The following DISC1 variants were observed in gnomAD, a reference collection of about 807,000 sequenced individuals.
DISC1 encodes the protein DISC1 scaffold protein, also known as disrupted in schizophrenia 1 protein.
Under a neutral mutation model 84.5 loss-of-function variants are expected in DISC1, and 57 were observed. The observed-to-expected ratio is 0.67, with a 90% CI of 0.55 to 0.84. DISC1 has a LOEUF of 0.84. Among genes scored for constraint, DISC1 ranks in the 40% least tolerant of loss-of-function variants. The probability of loss-of-function intolerance (pLI) is 0.00; values close to 1 mark genes in which losing one functional copy is unlikely to be tolerated. For synonymous variants in DISC1, 411 were observed against 415.2 expected (o/e 0.99, Z 0.12); for missense variants, 1,000 against 1,057.8 (o/e 0.95, Z 0.76).
chr1:231,750,294 CAG>C, intron 4 of DISC1: 2 of 1,365,644 alleles, frequency 1.5e-6, no homozygotes, highest in Non-Finnish European at 1.9e-6. Context: ...TGCCACTTGA[CAG>C]AGAGAGAACC....
chr1:231,938,059 T>C (rs975752683), intron 9 of DISC1, among the ~76,000 whole-genome samples: 6 of 152,048 alleles, frequency 3.9e-5, no homozygotes, highest in African/African-American at 1.4e-4. Flanking sequence ...GTTTTGTTCT[T>C]TTGGTTCTGT....
At chr1:232,020,134 G>A (rs1175887560) in intron 11 of DISC1, among the ~76,000 whole-genome samples, 1 of 152,058 alleles carries the variant, frequency 6.6e-6, no homozygotes, top group Non-Finnish European at 1.5e-5. Flanking sequence ...CTGAGATCGG[G>A]AGTTCGAGAC....
intron 9 of DISC1, among the ~76,000 whole-genome samples, chr1:231,867,926 C>A (rs114292947): frequency 6.6e-6 from 1 of 152,164 alleles, no homozygotes; most frequent in Non-Finnish European, 1.5e-5. Context: ...CCTGGCTATT[C>A]GCAAGGGAGA....
chr1:231,818,178 C>G, intron 8 of DISC1, 151 bp from the exon 9 acceptor site: 1 of 812,394 alleles, frequency 1.2e-6, no homozygotes. Context: ...CAGGTTCTTT[C>G]CCCAGAGGAC....
At chr1:231,795,401 G>A in intron 7 of DISC1, 105 bp downstream of exon 7, 1 of 1,025,886 alleles carries the variant, frequency 9.7e-7, no homozygotes, top group Non-Finnish European at 1.5e-6. Flanking sequence ...AAAAAAAGAT[G>A]TAGACTTTGT....
chr1:232,024,482 CAG>C (rs1669259732), intron 11 of DISC1, among the ~76,000 whole-genome samples: 1 of 152,144 alleles, frequency 6.6e-6, no homozygotes, highest in African/African-American at 2.4e-5. Context: ...GACTTTTTAA[CAG>C]TGACTATTAC....
intron 10 of DISC1, among the ~76,000 whole-genome samples, chr1:232,000,411 A>C (rs2102960609): frequency 6.6e-6 from 1 of 152,330 alleles, no homozygotes; most frequent in Non-Finnish European, 1.5e-5. Flanking sequence ...TGAACAAGAA[A>C]CAATGGACTG....
chr1:231,772,347 A>G (rs960468715), intron 6 of DISC1, among the ~76,000 whole-genome samples: 6 of 152,190 alleles, frequency 3.9e-5, no homozygotes, highest in Non-Finnish European at 5.9e-5. Flanking sequence ...TGGCACCCGA[A>G]TGGGTAGATG....
chr1:231,655,923 A>G (rs1418692430), intron 1 of DISC1, among the ~76,000 whole-genome samples: 2 of 151,990 alleles, frequency 1.3e-5, no homozygotes, highest in East Asian at 1.9e-4. Flanking sequence ...TATTCATGTC[A>G]TTTGCCCACT....
At chr1:231,724,107 C>G (rs1237450968) in intron 3 of DISC1, 1 of 857,320 alleles carries the variant, frequency 1.2e-6, no homozygotes, top group South Asian at 5.4e-5. Flanking sequence ...ATAGATTGGA[C>G]CAGTATTTTG....
chr1:231,988,551 G>A lies in DISC1; in HGVS notation c.2043-20234G>A, dbSNP rs572112053. ...CGCCTGTATAAAAGAGGGCCCAGGG[G>A]GCTCCCATATTCCTTTCACCGTGTT... On this transcript the variant is annotated intron_variant, in intron 10 of 12. Coordinates refer to ENST00000439617, the MANE Select transcript of DISC1 (RefSeq NM_018662.3). 6.6e-5 allele frequency among the ~76,000 whole-genome samples: 10 copies of A among 152,270 alleles called. No individual in the cohort carries two copies. The East Asian group carries it at 1.9e-3, about 29-fold the overall frequency.
In DISC1 at chr1:231,675,851, CTTT is replaced by C. The variant is rs201559788; in HGVS notation, c.68-17961_68-17959del. 6.5e-5 allele frequency among the ~76,000 whole-genome samples: 9 copies of C among 137,630 alleles called. No homozygotes were observed. Among genetic ancestry groups the C allele is most frequent in the Non-Finnish European group, 7.9e-5 (5 of 63,638 alleles). 90.3% of individuals were successfully genotyped at this position (137,630 alleles called of 152,430 possible). ...GTATATTGTATTTGTTTTTTCTTTT[CTTT>C]TTTTTTTTTTTTTGACACAGAATTC... On this transcript the variant is annotated intron_variant, in intron 1 of 12. Transcript: ENST00000439617. This position sits in a 1 kb window ranked among gnomAD's most constrained non-coding sequence, Gnocchi z 4.1.
rs139177688 is a variant in DISC1 at position 231,812,249 on chromosome 1, G to A, written c.1793-6080G>A. On this transcript the variant is annotated intron_variant, in intron 8 of 12. Coordinates refer to ENST00000439617, the MANE Select transcript of DISC1 (RefSeq NM_018662.3). ...TTTTTAATTTTTTTGTAGAGATGGG[G>A]GTCTTGCTATGTTGCCCAGGCTGGT... is the stretch of plus-strand genomic sequence containing the variant. Among the ~76,000 whole-genome samples the A allele has an allele frequency of 5.1e-3, 773 of 152,072 alleles. 8 individuals are homozygous for A. The highest frequency in any genetic ancestry group is 0.018 in the African/African-American group (738 of 41,480).
At chr1:231,774,706 G>A (rs1170729872) in intron 6 of DISC1, 4 of 455,884 alleles carry the variant, frequency 8.8e-6, no homozygotes, top group Admixed American at 4.7e-5. Context: ...CAATATTTGG[G>A]CTTTCCATTT....
In DISC1 at chr1:231,958,724, A is replaced by G. The variant is rs527929943; in HGVS notation, c.1982-104A>G. 4.8e-5 allele frequency: 53 copies of G among 1,114,032 alleles called. No homozygotes were observed. In the Admixed American group the frequency reaches 1.0e-3, roughly 22 times the overall value. The allele number at this position is 1,114,032 out of a possible 1,614,324, so 69.0% of individuals were successfully genotyped here. A position where few individuals can be genotyped will look rare whatever the true frequency, so the allele number is the denominator to read the frequency against. On this transcript the variant is annotated intron_variant, in intron 9 of 12. Transcript: ENST00000439617. ...CCAAACATAGAATGTTACGATTACT[A>G]GTGGCTTGACCTCAATCCTTTGGCT...
chr1:231,692,574 C>CTGGG, intron 1 of DISC1, among the ~76,000 whole-genome samples: 1 of 152,334 alleles, frequency 6.6e-6, no homozygotes, highest in African/African-American at 2.4e-5. Context: ...CATGTCTGTT[C>CTGGG]TGGGAAGCAA....
At chr1:231,791,915 C>A (rs935791468) in intron 6 of DISC1, among the ~76,000 whole-genome samples, 1 of 152,086 alleles carries the variant, frequency 6.6e-6, no homozygotes, top group African/African-American at 2.4e-5. Context: ...CATCTTTGTA[C>A]CCTAGGCCAG....
chr1:231,749,280 C>T (rs1377899776), intron 3 of DISC1, among the ~76,000 whole-genome samples: 1 of 152,210 alleles, frequency 6.6e-6, no homozygotes, highest in Admixed American at 6.5e-5. Flanking sequence ...AATCAACCAT[C>T]TGCTGACAGC....
At chr1:231,895,430 G>GTGTA (rs1553387545) in intron 9 of DISC1, among the ~76,000 whole-genome samples, 3 of 149,334 alleles carry the variant, frequency 2.0e-5, no homozygotes, top group African/African-American at 7.4e-5. Flanking sequence ...ATGTGTGTGT[G>GTGTA]TATATATATA....
Sources: allele counts gnomAD v4.1 joint callset (sites outside exome capture counted in the v4.1 genomes callset), GRCh38; gene constraint gnomAD v4.1.1; non-coding constraint Gnocchi (gnomAD v3.1); transcripts MANE v1.5; gene names NCBI Gene and HGNC (gene_info 2026-07-23, HGNC 2026-07-21).